Variants in DLG2 observed in about 807,000 individuals in gnomAD.
DLG2 encodes discs large MAGUK scaffold protein 2, also known as disks large homolog 2.
Under a neutral mutation model 132.5 loss-of-function variants are expected in DLG2, and 45 were observed. The ratio of observed to expected loss-of-function variants is 0.34; its 90% CI spans 0.27 to 0.44. DLG2 has a LOEUF of 0.44. Among genes scored for constraint, DLG2 ranks in the 20% least tolerant of loss-of-function variants. The pLI, the probability that DLG2 is intolerant of heterozygous loss-of-function variation, is 1.00. For synonymous variants in DLG2, 424 were observed against 419.6 expected (o/e 1.01, Z -0.13); for missense variants, 1,045 against 1,196.9 (o/e 0.87, Z 1.87).
chr11:83,823,673 A>ATTCGTTCG (rs1555009499), intron 17 of DLG2, among the ~76,000 whole-genome samples: 12 of 150,242 alleles, frequency 8.0e-5, no homozygotes, highest in African/African-American at 3.0e-4. Context: ...TCATTCATTC[A>ATTCGTTCG]TTCGTTCATT....
chr11:84,813,693 G>T (rs547045595), intron 6 of DLG2, among the ~76,000 whole-genome samples: 4 of 152,150 alleles, frequency 2.6e-5, no homozygotes, highest in Non-Finnish European at 4.4e-5. Flanking sequence ...GTCTTTTGGG[G>T]ATGTTGTCCT....
intron 6 of DLG2, among the ~76,000 whole-genome samples, chr11:84,562,241 G>A (rs939313626): frequency 1.3e-5 from 2 of 152,094 alleles, no homozygotes; most frequent in Middle Eastern, 3.4e-3. Flanking sequence ...TACCATTTAA[G>A]TTACTAACTC....
In DLG2 at chr11:84,282,805, G is replaced by A. The variant is rs143564062; in HGVS notation, c.520-31514C>T. Among the ~76,000 whole-genome samples the A allele has an allele frequency of 8.5e-5, 13 of 152,198 alleles. No homozygotes were observed. In the East Asian group the frequency reaches 2.1e-3, roughly 25 times the overall value. ...GCTCTAATTTAGCTGTAAGATCTTG[G>A]TTCAGTCATTTTGCTTTGACATGCT... On this transcript the variant is annotated intron_variant, in intron 7 of 27. Coordinates refer to ENST00000376104, the MANE Select transcript of DLG2 (RefSeq NM_001142699.3).
chr11:83,496,873 A>G (rs2138697636), intron 21 of DLG2, among the ~76,000 whole-genome samples: 1 of 152,310 alleles, frequency 6.6e-6, no homozygotes, highest in East Asian at 1.9e-4. Flanking sequence ...TGTATAGATT[A>G]ATCTTCTATA....
chr11:85,289,252 C>T (rs1595969450), intron 3 of DLG2, among the ~76,000 whole-genome samples: 1 of 151,874 alleles, frequency 6.6e-6, no homozygotes, highest in Non-Finnish European at 1.5e-5. Context: ...TGTCACTTTC[C>T]AAGCATCTCT....
At chr11:84,071,587 A>C (rs146405198) in intron 10 of DLG2, among the ~76,000 whole-genome samples, 25 of 152,048 alleles carry the variant, frequency 1.6e-4, no homozygotes, top group Non-Finnish European at 2.8e-4. Context: ...CCTTATTGTC[A>C]ATCACCTAGA....
intron 15 of DLG2, among the ~76,000 whole-genome samples, chr11:83,887,181 A>G (rs1206209367): frequency 6.6e-6 from 1 of 152,190 alleles, no homozygotes; most frequent in Non-Finnish European, 1.5e-5. Context: ...GAAAGGATCA[A>G]CAAAATTGAT....
At chr11:83,893,253 A>C (rs1331071723) in intron 15 of DLG2, among the ~76,000 whole-genome samples, 1 of 152,200 alleles carries the variant, frequency 6.6e-6, no homozygotes. Flanking sequence ...TTTCAAGCAT[A>C]ACATCAGGTC....
intron 6 of DLG2, among the ~76,000 whole-genome samples, chr11:84,866,666 A>T (rs553634527): frequency 6.6e-6 from 1 of 152,348 alleles, no homozygotes; most frequent in African/African-American, 2.4e-5. Context: ...CAGGATAGTT[A>T]TGAAGAAATA....
At chr11:85,481,028 TATCTC>T in intron 3 of DLG2, among the ~76,000 whole-genome samples, 1 of 152,356 alleles carries the variant, frequency 6.6e-6, no homozygotes, top group South Asian at 2.1e-4. Flanking sequence ...TTATTCAACT[TATCTC>T]AGCCTCACTT....
At chr11:83,975,622 T>C (rs542533729) in intron 12 of DLG2, among the ~76,000 whole-genome samples, 2 of 151,880 alleles carry the variant, frequency 1.3e-5, no homozygotes, top group Non-Finnish European at 2.9e-5. Context: ...AATAAAACTG[T>C]AAGGAATATA....
intron 17 of DLG2, among the ~76,000 whole-genome samples, chr11:83,825,477 G>A (rs779754692): frequency 4.0e-5 from 6 of 151,886 alleles, no homozygotes; most frequent in Non-Finnish European, 7.4e-5. Flanking sequence ...CACTGTGCCC[G>A]GCCTAATTAC....
chr11:84,804,171 T>C (rs1159683038), intron 6 of DLG2, among the ~76,000 whole-genome samples: 3 of 152,226 alleles, frequency 2.0e-5, no homozygotes, highest in Non-Finnish European at 4.4e-5. Context: ...TTGCCATACA[T>C]GCCTGCACTT....
chr11:84,861,669 G>A lies in DLG2; in HGVS notation c.357+249992C>T, dbSNP rs147199404. Reference sequence around the variant, plus strand: ...AAAAAAAACCTATCAGAGGGAACAGGCAACCTACAGAATGGGAGAAAATTC... The same window carrying A: ...AAAAAAAACCTATCAGAGGGAACAGACAACCTACAGAATGGGAGAAAATTC... On this transcript the variant is annotated intron_variant, in intron 6 of 27. Transcript: ENST00000376104. 9.8e-3 allele frequency among the ~76,000 whole-genome samples: 1,301 copies of A among 132,362 alleles called. 25 individuals are homozygous for A. The highest frequency in any genetic ancestry group is 0.035 in the African/African-American group (1,226 of 34,950). The allele number at this position is 132,362 out of a possible 152,430, so 86.8% of individuals were successfully genotyped here.
At chr11:85,608,312 T>A (rs2080736579) in intron 2 of DLG2, among the ~76,000 whole-genome samples, 1 of 152,098 alleles carries the variant, frequency 6.6e-6, no homozygotes, top group Admixed American at 6.6e-5. Context: ...AAGAGGTGGC[T>A]CATTTTTTTC....
At chr11:84,120,198 A>T (rs1304244695) in intron 9 of DLG2, among the ~76,000 whole-genome samples, 1 of 152,164 alleles carries the variant, frequency 6.6e-6, no homozygotes, top group Non-Finnish European at 1.5e-5. Flanking sequence ...CCCATTTATC[A>T]ACTATAAAAC....
chr11:84,982,780 C>CA (rs532633573), intron 6 of DLG2, among the ~76,000 whole-genome samples: 1,519 of 147,518 alleles, frequency 0.01, 12 homozygotes, highest in Non-Finnish European at 0.016. Context: ...ATTCAATATT[C>CA]AAAAAAAAAA....
Position 85,074,548 on chromosome 11 carries a change from A to G in DLG2, c.357+37113T>C, listed in dbSNP as rs544766454. 2.0e-5 allele frequency among the ~76,000 whole-genome samples: 3 copies of G among 152,026 alleles called. No individual in the cohort carries two copies. The East Asian group carries it at 5.8e-4, about 30-fold the overall frequency. On this transcript the variant is annotated intron_variant, in intron 6 of 27. Coordinates refer to ENST00000376104, the MANE Select transcript of DLG2 (RefSeq NM_001142699.3). The stretch of plus-strand genomic sequence containing the variant: ...CTTCTAAAAAAGGATTCATCCTTAT[A>G]TACATTTATCTGTAAAAACTTGGGC...
chr11:85,029,078 G>A (rs1276158668), intron 6 of DLG2, among the ~76,000 whole-genome samples: 1 of 152,142 alleles, frequency 6.6e-6, no homozygotes, highest in African/African-American at 2.4e-5. Context: ...TTGGGGTGGG[G>A]ATGGTATATG....
Sources: gnomAD v4.1 joint callset for allele counts (sites outside exome capture counted in the v4.1 genomes callset) on GRCh38, gnomAD v4.1.1 for gene constraint, MANE v1.5 for transcripts, NCBI Gene and HGNC (gene_info 2026-07-23, HGNC 2026-07-21) for gene names.